SYNE1: variants seen among roughly 807,000 people sequenced by gnomAD.
SYNE1 encodes the protein nesprin-1.
A neutral mutation model predicts 1,111.0 loss-of-function variants in SYNE1; 616 were observed. The ratio of observed to expected loss-of-function variants is 0.55; its 90% CI spans 0.52 to 0.59. SYNE1 has a LOEUF of 0.59. SYNE1 is among the 20% of genes least tolerant of loss of function. SYNE1 has a pLI of 0.00. For synonymous variants in SYNE1, 3,855 were observed against 3,825.8 expected (o/e 1.01, Z -0.28); for missense variants, 10,006 against 10,417.0 (o/e 0.96, Z 1.72).
Position 152,269,252 on chromosome 6 carries a change from T to C in SYNE1, c.18608A>G (p.Asp6203Gly). Residue 6203 changes from aspartate (D) to glycine (G), a missense_variant, in exon 99 of 146, where the codon GAC becomes GGC. Transcript: ENST00000367255. Reference sequence around the variant, plus strand: ...GCCGGGGCTCTGCGTGGCTGTTAGGTCAACATCGCTCTCCTCCTTCTCCTG... The same window carrying C: ...GCCGGGGCTCTGCGTGGCTGTTAGGCCAACATCGCTCTCCTCCTTCTCCTG... Reference protein sequence around the residue: ...TAQEKEESDVDLTATQSPGVQ... With the variant: ...TAQEKEESDVGLTATQSPGVQ... 1.9e-6 allele frequency: 3 copies of C among 1,614,118 alleles called. No individual in the cohort carries two copies. In the South Asian group the frequency reaches 3.3e-5, roughly 18 times the overall value.
At chr6:152,163,220 T>G (rs537835916) in intron 131 of SYNE1, among the ~76,000 whole-genome samples, 14 of 152,222 alleles carry the variant, frequency 9.2e-5, no homozygotes, top group South Asian at 4.1e-4. Context: ...TGAGGGGGCC[T>G]GGCACAGTGG....
At chr6:152,312,910 C>T (rs1338241048) in intron 87 of SYNE1, among the ~76,000 whole-genome samples, 1 of 152,074 alleles carries the variant, frequency 6.6e-6, no homozygotes, top group Non-Finnish European at 1.5e-5. Context: ...GTTCTTGAAT[C>T]TTGTGCAAGA....
At position 152,148,114 on chromosome 6, in the gene SYNE1, G is replaced by C; in HGVS notation, c.24907C>G (p.Leu8303Val). Residue 8303 changes from leucine (L) to valine (V), a missense_variant, in exon 137 of 146, where the codon CTG (leucine) becomes GTG (valine). Leu to Val is a conservative substitution (Grantham distance 32). Coordinates refer to ENST00000367255, the MANE Select transcript of SYNE1 (RefSeq NM_182961.4). The surrounding 1 kb of genome is among the most constrained non-coding windows in gnomAD (Gnocchi z 4.1). ...RDLESAMSRA[L>V]PSEDEEGQDD... ...TGACCTTCTTCATCCTCAGAGGGCA[G>C]AGCTCTGGACATTGCAGACTCCAGG... The C allele has an allele frequency of 6.2e-7, 1 of 1,614,170 alleles. No homozygotes were observed. Among genetic ancestry groups the C allele is most frequent in the South Asian group, 1.1e-5 (1 of 91,088 alleles).
chr6:152,440,251 C>T (rs931805009), intron 32 of SYNE1, among the ~76,000 whole-genome samples: 2 of 152,190 alleles, frequency 1.3e-5, no homozygotes, highest in Admixed American at 1.3e-4. Flanking sequence ...CACTTTCAGT[C>T]ACTTTTCTAC....
chr6:152,359,258 G>C, intron 65 of SYNE1, 57 bp downstream of exon 65: 1 of 1,610,074 alleles, frequency 6.2e-7, no homozygotes, highest in South Asian at 1.1e-5. Flanking sequence ...CTTTAAAGGA[G>C]CACAGCTCCA....
In SYNE1 at chr6:152,458,922, T is replaced by G. The variant is rs371029379; in HGVS notation, c.2403A>C (p.Glu801Asp). The G allele has an allele frequency of 1.9e-6, 3 of 1,613,958 alleles. No individual in the cohort carries two copies. The highest frequency in any genetic ancestry group is 2.5e-6 in the Non-Finnish European group (3 of 1,179,928). Residue 801 changes from glutamate (E) to aspartate (D), a missense_variant, in exon 22 of 146, where the codon GAA becomes GAC. Physicochemically the swap from Glu to Asp is conservative, Grantham distance 45 (BLOSUM62 2). Coordinates refer to ENST00000367255, the MANE Select transcript of SYNE1 (RefSeq NM_182961.4). ...ACTCATAAAGGAGTGGGGAGTAACA[T>G]TCTTTGACCTTTAAAAACATAAAGA... ...KLKEQLTKVK[E>D]CYSPLLYESQ...
At chr6:152,625,245 T>C (rs2128950387) in intron 3 of SYNE1, among the ~76,000 whole-genome samples, 1 of 152,330 alleles carries the variant, frequency 6.6e-6, no homozygotes, top group South Asian at 2.1e-4. Context: ...CTAAATACCC[T>C]TGACAGAGGA....
intron 62 of SYNE1, chr6:152,366,920 A>T: frequency 1.9e-6 from 1 of 537,266 alleles, no homozygotes; most frequent in African/African-American, 1.9e-5. Flanking sequence ...TTTCCTCAAA[A>T]TATTTTCCCA....
intron 16 of SYNE1, among the ~76,000 whole-genome samples, chr6:152,467,357 A>G (rs1426972906): frequency 6.6e-6 from 1 of 152,142 alleles, no homozygotes; most frequent in Non-Finnish European, 1.5e-5. Context: ...TAGAATTTAA[A>G]TTTTGAATAA....
chr6:152,626,795 C>T (rs77768664), intron 3 of SYNE1, among the ~76,000 whole-genome samples: 1,560 of 152,230 alleles, frequency 0.01, 22 homozygotes, highest in African/African-American at 0.036. Flanking sequence ...TCTGGACAGA[C>T]GTGGAGAAAC....
chr6:152,320,628 A>G (rs1327040099), intron 84 of SYNE1, among the ~76,000 whole-genome samples: 4 of 152,210 alleles, frequency 2.6e-5, no homozygotes, highest in Non-Finnish European at 5.9e-5. Context: ...TGGTCTCAAC[A>G]CCAAAAAGGA....
rs898996271 is a variant in SYNE1 at position 152,417,005 on chromosome 6, G to A, written c.5432C>T (p.Ala1811Val). The A allele has an allele frequency of 6.2e-7, 1 of 1,613,946 alleles. No homozygotes were observed. Among genetic ancestry groups the A allele is most frequent in the Non-Finnish European group, 8.5e-7 (1 of 1,180,052 alleles). Residue 1811 changes from alanine to valine, a missense_variant, in exon 41 of 146, where the codon GCA becomes GTA. Ala to Val is a moderately conservative substitution (Grantham distance 64). Coordinates refer to ENST00000367255, the MANE Select transcript of SYNE1 (RefSeq NM_182961.4). ...VALTRHKDHA[A>V]EVESKKGELQ... ...TTCGCCCTTTTTGCTCTCTACTTCT[G>A]CTGCGTGGTCCTGGAAGGGAAGAGA...
chr6:152,293,823 G>C, intron 94 of SYNE1, 74 bp from the exon 95 acceptor site: 1 of 1,611,620 alleles, frequency 6.2e-7, no homozygotes, highest in Non-Finnish European at 8.5e-7. Context: ...TCTTTCTTCA[G>C]TGCTTTACCT....
intron 76 of SYNE1, chr6:152,335,552 TC>T (rs2096367240): frequency 1.3e-5 from 2 of 152,310 alleles, no homozygotes; most frequent in East Asian, 1.9e-4. Context: ...ATCCCTATTC[TC>T]TTTTTTCTCT....
At chr6:152,265,884 A>G (rs2092654848) in intron 100 of SYNE1, among the ~76,000 whole-genome samples, 1 of 152,190 alleles carries the variant, frequency 6.6e-6, no homozygotes, top group Admixed American at 6.5e-5. Context: ...ACACAAACCA[A>G]GTCACATTTA....
At chr6:152,224,242 C>T (rs143671373) in intron 117 of SYNE1, among the ~76,000 whole-genome samples, 76 of 152,152 alleles carry the variant, frequency 5.0e-4, no homozygotes, top group African/African-American at 1.0e-3. Context: ...GTATAAAAGA[C>T]GATGTGAATA....
At chr6:152,549,877 A>G (rs1216893218) in intron 3 of SYNE1, among the ~76,000 whole-genome samples, 2 of 152,292 alleles carry the variant, frequency 1.3e-5, no homozygotes, top group Middle Eastern at 3.4e-3. Flanking sequence ...AAAGAGCCCA[A>G]TTTCATTAAA....
chr6:152,209,034 C>T (rs1171694475), intron 124 of SYNE1, among the ~76,000 whole-genome samples: 2 of 152,170 alleles, frequency 1.3e-5, no homozygotes, highest in Non-Finnish European at 2.9e-5. Flanking sequence ...GGCTCTAGAA[C>T]TGGCTAGTAA....
intron 144 of SYNE1, among the ~76,000 whole-genome samples, chr6:152,131,470 A>G (rs1354764219): frequency 1.3e-5 from 2 of 152,210 alleles, no homozygotes; most frequent in Non-Finnish European, 2.9e-5. Context: ...AGCTGGACAA[A>G]AAATATATAA....
Sources: gnomAD v4.1 joint callset for allele counts (sites outside exome capture counted in the v4.1 genomes callset) on GRCh38, gnomAD v4.1.1 for gene constraint, Gnocchi (gnomAD v3.1) non-coding constraint, MANE v1.5 for transcripts, NCBI Gene and HGNC (gene_info 2026-07-23, HGNC 2026-07-21) for gene names.